Variants in EBF4 observed in about 807,000 individuals in gnomAD.
The protein encoded by EBF4 is EBF transcription factor 4.
A neutral mutation model predicts 67.1 loss-of-function variants in EBF4; 34 were observed. That is an observed-to-expected ratio of 0.51 (90% CI 0.39 to 0.67). The LOEUF is 0.67. EBF4 is among the 30% of genes least tolerant of loss of function. EBF4 has a pLI of 0.00. For synonymous variants in EBF4, 387 were observed against 377.7 expected (o/e 1.02, Z -0.29); for missense variants, 837 against 873.3 (o/e 0.96, Z 0.52).
At position 2,755,343 on chromosome 20, in the gene EBF4, G is replaced by A. The variant is rs2088224773; in HGVS notation, c.1541-284G>A. 3 of 443,756 alleles carry A rather than the reference G, an allele frequency of 6.8e-6. No homozygotes were observed. Among genetic ancestry groups the A allele is most frequent in the African/African-American group, 2.0e-5 (1 of 49,536 alleles). The allele number at this position is 443,756 out of a possible 1,614,324, so 27.5% of individuals were successfully genotyped here. The stretch of plus-strand genomic sequence containing the variant: ...TCCAGCTGTTGCTCATCTCATTTTT[G>A]GGGGGTACCTCCCACTGTTTGTTTT... On this transcript the variant is annotated intron_variant, in intron 14 of 16. Coordinates refer to ENST00000609451, the Ensembl canonical transcript of EBF4. The surrounding 1 kb of genome is among the most constrained non-coding windows in gnomAD (Gnocchi z 4.7).
intron 6 of EBF4, among the ~76,000 whole-genome samples, chr20:2,722,442 CACAT>C (rs1348335029): frequency 6.6e-6 from 1 of 152,096 alleles, no homozygotes; most frequent in East Asian, 1.9e-4. Context: ...ATAGTTTTCT[CACAT>C]GCATGCCTTT....
chr20:2,746,420 C>T (rs1432156496), intron 6 of EBF4, among the ~76,000 whole-genome samples: 8 of 152,076 alleles, frequency 5.3e-5, no homozygotes, highest in African/African-American at 1.2e-4. Context: ...ATAGGGGGTG[C>T]CCACTGTGGG....
chr20:2,741,884 T>G (rs2087973468), intron 6 of EBF4, among the ~76,000 whole-genome samples: 1 of 152,210 alleles, frequency 6.6e-6, no homozygotes, highest in Non-Finnish European at 1.5e-5. Flanking sequence ...TTTTAACTAT[T>G]GGTTCCATTG....
At chr20:2,746,177 G>C (rs539883694) in intron 6 of EBF4, among the ~76,000 whole-genome samples, 6 of 152,270 alleles carry the variant, frequency 3.9e-5, no homozygotes, top group African/African-American at 1.4e-4. Context: ...GTGTCATAAG[G>C]GGTGTAGGGA....
intron 14 of EBF4, among the ~76,000 whole-genome samples, chr20:2,753,365 C>A (rs1344029228): frequency 2.0e-5 from 3 of 152,344 alleles, no homozygotes; most frequent in African/African-American, 7.2e-5. Context: ...ACCTTCCGAA[C>A]GGCTTTGATG....
chr20:2,713,625 G>T (rs1447075008), intron 6 of EBF4, among the ~76,000 whole-genome samples: 3 of 152,180 alleles, frequency 2.0e-5, no homozygotes, highest in African/African-American at 7.2e-5. Flanking sequence ...TAAAACCAGA[G>T]TTAGAGGTTT....
intron 6 of EBF4, among the ~76,000 whole-genome samples, chr20:2,716,292 C>T (rs1052057466): frequency 4.0e-5 from 6 of 150,608 alleles, no homozygotes; most frequent in Non-Finnish European, 7.4e-5. Context: ...TTTGGGAGGC[C>T]GAGGCGGGCA....
chr20:2,752,057 C>T, intron 12 of EBF4, 29 bp from the exon 13 acceptor site: 1 of 1,453,894 alleles, frequency 6.9e-7, no homozygotes, highest in African/African-American at 1.5e-5. Context: ...CGCGGCTGCC[C>T]CGGCCGTGCC....
At chr20:2,733,407 T>TCAA (rs762280461) in intron 6 of EBF4, among the ~76,000 whole-genome samples, 1 of 152,216 alleles carries the variant, frequency 6.6e-6, no homozygotes, top group Non-Finnish European at 1.5e-5. Context: ...GTGTTCATAC[T>TCAA]ACTTGGAGTT....
intron 14 of EBF4, among the ~76,000 whole-genome samples, chr20:2,753,435 T>C (rs1433245115): frequency 1.3e-5 from 2 of 152,232 alleles, no homozygotes; most frequent in Non-Finnish European, 2.9e-5. Flanking sequence ...ATCAGCATGT[T>C]CACAGCTCTT....
intron 6 of EBF4, among the ~76,000 whole-genome samples, chr20:2,732,996 A>T (rs958946869): frequency 4.6e-5 from 7 of 152,292 alleles, no homozygotes; most frequent in African/African-American, 1.7e-4. Flanking sequence ...TTATCTGTTC[A>T]TGTTAATTCA....
intron 6 of EBF4, among the ~76,000 whole-genome samples, chr20:2,721,529 A>C (rs1319579444): frequency 1.3e-5 from 2 of 151,982 alleles, no homozygotes; most frequent in Non-Finnish European, 2.9e-5. Context: ...ATCTCGGCTC[A>C]CTGCAACTTC....
At chr20:2,698,063 G>A (rs953233127) in intron 1 of EBF4, among the ~76,000 whole-genome samples, 5 of 152,214 alleles carry the variant, frequency 3.3e-5, no homozygotes, top group South Asian at 4.1e-4. Flanking sequence ...GGTGGGTGGC[G>A]AGAGGGTGGG....
At position 2,752,513 on chromosome 20, in the gene EBF4, T is replaced by C. The variant is rs974575764; in HGVS notation, c.1508T>C (p.Leu503Pro). 4.8e-6 allele frequency: 6 copies of C among 1,253,366 alleles called. No homozygotes were observed. Among genetic ancestry groups the C allele is most frequent in the Non-Finnish European group, 6.0e-6 (6 of 996,594 alleles). The allele number at this position is 1,253,366 out of a possible 1,614,324, so 77.6% of individuals were successfully genotyped here. The change falls in exon 14 of 17, where the codon CTC becomes CCC. Residue 503 changes from leucine to proline, a missense_variant. This residue lies in a region of EBF4 where 525 missense variants were observed against 496.5 expected (regional missense o/e 1.06). Coordinates refer to ENST00000609451, the Ensembl canonical transcript of EBF4. Reference sequence around the variant, plus strand: ...GGCGTGCCTGGGTCCCCCAGCTTCCTCAATGGCTCCACCGCCACCTCGCCC... The same window carrying C: ...GGCGTGCCTGGGTCCCCCAGCTTCCCCAATGGCTCCACCGCCACCTCGCCC...
At chr20:2,710,159 TTG>T (rs1317060924) in intron 6 of EBF4, among the ~76,000 whole-genome samples, 1 of 152,150 alleles carries the variant, frequency 6.6e-6, no homozygotes, top group East Asian at 1.9e-4. Context: ...TTTCTTTATT[TTG>T]TGTGTGTGTG....
intron 6 of EBF4, among the ~76,000 whole-genome samples, chr20:2,710,451 ACTT>A (rs1600210638): frequency 6.6e-6 from 1 of 152,052 alleles, no homozygotes; most frequent in African/African-American, 2.4e-5. Context: ...TGCCTGGCCT[ACTT>A]CTTTTTGAAG....
rs903439307 is a variant in EBF4, at chr20:2,733,669, A to AT, written c.558-14872dup. Among the ~76,000 whole-genome samples, 8 of 151,480 alleles carry AT rather than the reference A, an allele frequency of 5.3e-5. No homozygotes were observed. The East Asian group carries it at 7.8e-4, about 15-fold the overall frequency. On this transcript the variant is annotated intron_variant, in intron 6 of 16. Coordinates refer to ENST00000609451, the Ensembl canonical transcript of EBF4. ...AATTGGCCTATATTCAAGTATACTG[A>AT]TTTTTTTTCGTCCCACCAAATGAGA...
chr20:2,702,354 G>A, intron 1 of EBF4, among the ~76,000 whole-genome samples: 1 of 151,970 alleles, frequency 6.6e-6, no homozygotes, highest in Non-Finnish European at 1.5e-5. Context: ...CGTGAGCCTA[G>A]GAGGTTGAGG....
chr20:2,752,140 C>G, exon 13 of EBF4: 2 of 1,450,098 alleles, frequency 1.4e-6, no homozygotes, highest in South Asian at 1.4e-5. Context: ...CAGCACCCCC[C>G]GCGCACCCGG....
Sources: gnomAD v4.1 joint callset for allele counts (sites outside exome capture counted in the v4.1 genomes callset) on GRCh38, gnomAD v4.1.1 for gene constraint, gnomAD v4.1.1 regional missense constraint, Gnocchi (gnomAD v3.1) non-coding constraint, MANE v1.5 for transcripts, NCBI Gene and HGNC (gene_info 2026-07-23, HGNC 2026-07-21) for gene names.